Variants in CASC3 observed in about 807,000 individuals in gnomAD.
CASC3 encodes the protein CASC3 exon junction complex subunit.
A neutral mutation model predicts 80.5 loss-of-function variants in CASC3; 30 were observed. That is an observed-to-expected ratio of 0.37 (90% CI 0.28 to 0.51). The LOEUF (loss-of-function observed/expected upper bound fraction) is 0.51, where lower values mean the gene tolerates loss of function less well. Among genes scored for constraint, CASC3 ranks in the 20% least tolerant of loss-of-function variants. The pLI, the probability that CASC3 is intolerant of heterozygous loss-of-function variation, is 0.94. For synonymous variants in CASC3, 312 were observed against 333.6 expected (o/e 0.94, Z 0.70); for missense variants, 824 against 922.2 (o/e 0.89, Z 1.38).
chr17:40,162,707 T>G lies in CASC3; in HGVS notation c.609-18T>G, dbSNP rs1445780286. 1 of 1,611,708 alleles carries G rather than the reference T, an allele frequency of 6.2e-7. No homozygotes were observed. Among genetic ancestry groups the G allele is most frequent in the South Asian group, 1.1e-5 (1 of 90,942 alleles). ...AGAATTCTGCTGACCCAAGACACTTTTCCTTCATTTTATCCAGACCCAAGG... is the reference window on the plus strand; with the variant it reads ...AGAATTCTGCTGACCCAAGACACTTGTCCTTCATTTTATCCAGACCCAAGG... On this transcript the variant is annotated intron_variant, in intron 5 of 13. Coordinates refer to ENST00000264645, the MANE Select transcript of CASC3 (RefSeq NM_007359.5).
At chr17:40,140,981 A>G in intron 1 of CASC3, 1 of 633,852 alleles carries the variant, frequency 1.6e-6, no homozygotes, top group Non-Finnish European at 2.7e-6. Context: ...TTCTGGGAGG[A>G]TGGTAGAGCC....
intron 7 of CASC3, among the ~76,000 whole-genome samples, chr17:40,166,302 T>C (rs921776574): frequency 1.3e-5 from 2 of 152,200 alleles, no homozygotes; most frequent in African/African-American, 4.8e-5. Context: ...GGACAATCTC[T>C]AGAACATTCC....
At chr17:40,143,946 A>T (rs1481663539) in intron 3 of CASC3, among the ~76,000 whole-genome samples, 1 of 152,044 alleles carries the variant, frequency 6.6e-6, no homozygotes, top group African/African-American at 2.4e-5. Flanking sequence ...TACACATTGT[A>T]TATCTATATA....
Position 40,140,782 on chromosome 17 carries a change from G to C in CASC3, c.231+3G>C. The C allele has an allele frequency of 2.1e-6, 3 of 1,439,830 alleles. No individual in the cohort carries two copies. Among genetic ancestry groups the C allele is most frequent in the Non-Finnish European group, 2.7e-6 (3 of 1,095,998 alleles). 89.2% of individuals were successfully genotyped at this position (1,439,830 alleles called of 1,614,324 possible). Reference sequence around the variant, plus strand: ...AGAGTGCTGAGGAGTCGGAGTGTGTGAGTGCGCGCAGGCGGGGCGGGGTGG... The same window carrying C: ...AGAGTGCTGAGGAGTCGGAGTGTGTCAGTGCGCGCAGGCGGGGCGGGGTGG... On this transcript the variant is annotated splice_donor_region_variant and intron_variant, in intron 1 of 13. Transcript: ENST00000264645.
chr17:40,167,604 A>G lies in CASC3; in HGVS notation c.1643A>G (p.Tyr548Cys), dbSNP rs370759634. 2.7e-5 allele frequency: 44 copies of G among 1,611,178 alleles called. No individual in the cohort carries two copies. Among genetic ancestry groups the G allele is most frequent in the Non-Finnish European group, 3.6e-5 (42 of 1,177,566 alleles). ...ATCAGTATCATGGAGGGACATTACT[A>G]TGATCCACGTGAGTTTTTTCTTACT... ...VHISIMEGHYYDPLQFQGPIY... is the reference protein window; with the variant it reads ...VHISIMEGHYCDPLQFQGPIY... The change falls in exon 9 of 14, where the codon TAT becomes TGT. Residue 548 changes from tyrosine to cysteine, a missense_variant. Around this residue, in one of 3 missense-constraint regions of CASC3, gnomAD observed 464 missense variants for 506.0 expected, o/e 0.92. Transcript: ENST00000264645.
intron 3 of CASC3, among the ~76,000 whole-genome samples, chr17:40,157,886 T>C (rs1989192955): frequency 6.6e-6 from 1 of 152,172 alleles, no homozygotes; most frequent in South Asian, 2.1e-4. Context: ...GAAAATGTTA[T>C]TAAGAAATCA....
chr17:40,153,518 G>A (rs1447889562), intron 3 of CASC3, among the ~76,000 whole-genome samples: 2 of 152,114 alleles, frequency 1.3e-5, no homozygotes, highest in African/African-American at 4.8e-5. Context: ...ATGTACCTAG[G>A]AATGGAATTG....
At chr17:40,164,290 G>C in intron 7 of CASC3, 124 bp downstream of exon 7, 1 of 880,992 alleles carries the variant, frequency 1.1e-6, no homozygotes, top group Non-Finnish European at 1.7e-6. Context: ...TTGAGACAGA[G>C]TCTCACTCTT....
chr17:40,167,659 T>C, intron 9 of CASC3, 47 bp downstream of exon 9: 5 of 1,451,340 alleles, frequency 3.4e-6, no homozygotes, highest in Non-Finnish European at 4.8e-6. Context: ...CAGGGTGAAG[T>C]GAAGTAAGAT....
Position 40,168,188 on chromosome 17 carries a change from C to T in CASC3, c.1751-15C>T. ...TGTTACTTTATTTTTCAGTTTTTTT[C>T]TTCTCCTTATCCAGGTTTACATCCC... On this transcript the variant is annotated splice_polypyrimidine_tract_variant and intron_variant, in intron 10 of 13. Transcript: ENST00000264645. 1 of 1,609,638 alleles carries T rather than the reference C, an allele frequency of 6.2e-7. No homozygotes were observed. Among genetic ancestry groups the T allele is most frequent in the Non-Finnish European group, 8.5e-7 (1 of 1,176,444 alleles).
intron 3 of CASC3, among the ~76,000 whole-genome samples, chr17:40,152,063 C>T (rs1298807514): frequency 6.6e-6 from 1 of 152,174 alleles, no homozygotes. Flanking sequence ...CCTAGTTAAC[C>T]TTTTTGTATG....
rs1473041383 is a variant in CASC3, at chr17:40,170,934, A to T, written c.*529A>T. 5.7e-5 allele frequency: 56 copies of T among 984,424 alleles called. No homozygotes were observed. Among genetic ancestry groups the T allele is most frequent in the Non-Finnish European group, 6.6e-5 (55 of 829,732 alleles). The allele number at this position is 984,424 out of a possible 1,614,324, so 61.0% of individuals were successfully genotyped here. A position where few individuals can be genotyped will look rare whatever the true frequency, so the allele number is the denominator to read the frequency against. On this transcript the variant is annotated 3_prime_UTR_variant, in exon 14 of 14. Coordinates refer to ENST00000264645, the MANE Select transcript of CASC3 (RefSeq NM_007359.5). Reference sequence around the variant, plus strand: ...TCTAGCCCCTCTGGATTCCCTTTTGACTCTTCCGTGCATCCCAGATAATGG... The same window carrying T: ...TCTAGCCCCTCTGGATTCCCTTTTGTCTCTTCCGTGCATCCCAGATAATGG...
In CASC3 at chr17:40,148,467, C is replaced by T. The variant is rs181136488; in HGVS notation, c.297+6860C>T. On this transcript the variant is annotated intron_variant, in intron 3 of 13. Coordinates refer to ENST00000264645, the MANE Select transcript of CASC3 (RefSeq NM_007359.5). The stretch of plus-strand genomic sequence containing the variant: ...GCAATCTCCGTCTCCTGGGTTCAAG[C>T]GATTCTCCTGCCTTAGCCTCCTGAG... 2.4e-3 allele frequency among the ~76,000 whole-genome samples: 360 copies of T among 151,968 alleles called. 1 individual carries two copies. Among genetic ancestry groups the T allele is most frequent in the African/African-American group, 7.7e-3 (321 of 41,448 alleles).
intron 3 of CASC3, among the ~76,000 whole-genome samples, chr17:40,149,719 G>A (rs1271300701): frequency 6.6e-6 from 1 of 151,912 alleles, no homozygotes; most frequent in Non-Finnish European, 1.5e-5. Flanking sequence ...TAGAAAGGAG[G>A]GAAAAGCTGG....
intron 3 of CASC3, among the ~76,000 whole-genome samples, chr17:40,150,713 T>A (rs528592373): frequency 7.2e-5 from 11 of 152,122 alleles, no homozygotes; most frequent in South Asian, 4.2e-4. Context: ...GGCATTTTTT[T>A]AAAAAACTGC....
intron 3 of CASC3, among the ~76,000 whole-genome samples, chr17:40,142,115 C>T (rs1988733335): frequency 6.6e-6 from 1 of 152,198 alleles, no homozygotes; most frequent in East Asian, 1.9e-4. Flanking sequence ...GTGTTTGTTT[C>T]CTGGGTTGTT....
intron 10 of CASC3, 109 bp downstream of exon 10, chr17:40,168,057 C>T (rs1456580535): frequency 2.5e-5 from 33 of 1,321,496 alleles, no homozygotes; most frequent in Non-Finnish European, 3.6e-5. Flanking sequence ...GGAGTCTGGC[C>T]ATCCTGGCTG....
chr17:40,166,859 A>G lies in CASC3; in HGVS notation c.1534A>G (p.Met512Val), dbSNP rs772135625. Residue 512 changes from methionine to valine, a missense_variant and splice_region_variant, in exon 8 of 14, where the codon ATG becomes GTG. Physicochemically the swap from Met to Val is conservative, Grantham distance 21. Around this residue, in one of 3 missense-constraint regions of CASC3, gnomAD observed 464 missense variants for 506.0 expected, o/e 0.92. Transcript: ENST00000264645. Reference sequence around the variant, plus strand: ...ACCTCAGTTTAACCGGATGGAAGAAATGGTACAGAAGGGGAAAGGGGTAGA... The same window carrying G: ...ACCTCAGTTTAACCGGATGGAAGAAGTGGTACAGAAGGGGAAAGGGGTAGA... ...PPPQFNRMEEMGVQGGRAKRY... is the reference protein window; with the variant it reads ...PPPQFNRMEEVGVQGGRAKRY... 1.9e-6 allele frequency: 3 copies of G among 1,606,922 alleles called. No individual in the cohort carries two copies. The South Asian group carries it at 3.4e-5, about 18-fold the overall frequency.
In CASC3 at chr17:40,170,992, T is replaced by G; in HGVS notation, c.*587T>G. 1 of 985,490 alleles carries G rather than the reference T, an allele frequency of 1.0e-6. No homozygotes were observed. Among genetic ancestry groups the G allele is most frequent in the South Asian group, 4.7e-5 (1 of 21,278 alleles). 61.0% of individuals were successfully genotyped at this position (985,490 alleles called of 1,614,324 possible). A position where few individuals can be genotyped will look rare whatever the true frequency, so the allele number is the denominator to read the frequency against. On this transcript the variant is annotated 3_prime_UTR_variant, in exon 14 of 14. Transcript: ENST00000264645. ...ATCAGCCAGCCTTCCCCACCAAGTC[T>G]AAAAAGACCTGGCCTTTCACTTTTA... is the stretch of plus-strand genomic sequence containing the variant.
Sources: gnomAD v4.1 joint callset for allele counts (sites outside exome capture counted in the v4.1 genomes callset) on GRCh38, gnomAD v4.1.1 for gene constraint, gnomAD v4.1.1 regional missense constraint, MANE v1.5 for transcripts, NCBI Gene and HGNC (gene_info 2026-07-23, HGNC 2026-07-21) for gene names.